The following ADAMTS18 variants were observed in gnomAD, a reference collection of about 807,000 sequenced individuals.
ADAMTS18 encodes ADAM metallopeptidase with thrombospondin type 1 motif 18.
A neutral mutation model predicts 165.9 loss-of-function variants in ADAMTS18; 157 were observed. The ratio of observed to expected loss-of-function variants is 0.95; its 90% confidence interval spans 0.83 to 1.08. The LOEUF (loss-of-function observed/expected upper bound fraction) is 1.08. ADAMTS18 is among the 50% of genes least tolerant of loss of function. The pLI is 0.00. For synonymous variants in ADAMTS18, 782 were observed against 578.2 expected (o/e 1.35, Z -5.06); for missense variants, 2,040 against 1,534.0 (o/e 1.33, Z -5.51).
At chr16:77,335,132 CT>C (rs1252539636) in intron 12 of ADAMTS18, among the ~76,000 whole-genome samples, 1 of 149,418 alleles carries the variant, frequency 6.7e-6, no homozygotes, top group Admixed American at 6.7e-5. Flanking sequence ...ACTATGAATC[CT>C]ATTTAATACT....
intron 3 of ADAMTS18, among the ~76,000 whole-genome samples, chr16:77,371,039 A>T (rs2056868974): frequency 6.6e-6 from 1 of 152,072 alleles, no homozygotes; most frequent in South Asian, 2.1e-4. Context: ...ACATAGTGAA[A>T]CCCTGTCTCT....
rs543448551 is a variant in ADAMTS18, at chr16:77,332,632, T to C, written c.1859+3124A>G. On this transcript the variant is annotated intron_variant, in intron 12 of 22. Coordinates refer to ENST00000282849, the MANE Select transcript of ADAMTS18 (RefSeq NM_199355.4). Reference sequence around the variant, plus strand: ...CGCCAAAATCTGGGCTCTGTCTACATCATTCTGCCAACTGGAAAATCTACA... The same window carrying C: ...CGCCAAAATCTGGGCTCTGTCTACACCATTCTGCCAACTGGAAAATCTACA... Among the ~76,000 whole-genome samples, 15 of 152,318 alleles carry C rather than the reference T, an allele frequency of 9.8e-5. No individual in the cohort carries two copies. In the South Asian group the frequency reaches 3.1e-3, roughly 32 times the overall value.
chr16:77,434,379 G>C (rs538247031), intron 2 of ADAMTS18, 39 bp downstream of exon 2: 1 of 1,544,688 alleles, frequency 6.5e-7, no homozygotes, highest in Non-Finnish European at 8.7e-7. Context: ...TCAAAGTGCT[G>C]CGAAAGGCCC....
At chr16:77,402,576 T>C (rs1425475424) in intron 3 of ADAMTS18, among the ~76,000 whole-genome samples, 4 of 152,162 alleles carry the variant, frequency 2.6e-5, no homozygotes, top group Admixed American at 1.3e-4. Flanking sequence ...CAAATTTAAG[T>C]CCCACATTTA....
intron 19 of ADAMTS18, among the ~76,000 whole-genome samples, chr16:77,294,621 G>T (rs540759941): frequency 2.8e-4 from 42 of 152,300 alleles, no homozygotes; most frequent in African/African-American, 1.0e-3. Context: ...TTGCTTTGGA[G>T]AATTCAGTAG....
In ADAMTS18 at chr16:77,335,866, G is replaced by A. The variant is rs945038394; in HGVS notation, c.1749C>T (p.Leu583=). 21 of 1,614,054 alleles carry A rather than the reference G, an allele frequency of 1.3e-5. No homozygotes were observed. The highest frequency in any genetic ancestry group is 1.6e-5 in the Non-Finnish European group (19 of 1,180,032). Reference sequence around the variant, plus strand: ...ACTGGCCGTGGATGGGCCGGGGCCCGAGCTCCCCAAACTTTACGCACTGGC... The same window carrying A: ...ACTGGCCGTGGATGGGCCGGGGCCCAAGCTCCCCAAACTTTACGCACTGGC... ...RQGQCVKFGE[L]GPRPIHGQWS... Residue 583 remains leucine, a synonymous_variant, in exon 12 of 23, where the codon CTC becomes CTT. Transcript: ENST00000282849.
At chr16:77,347,809 T>C (rs2056499636) in intron 10 of ADAMTS18, among the ~76,000 whole-genome samples, 1 of 152,190 alleles carries the variant, frequency 6.6e-6, no homozygotes, top group East Asian at 1.9e-4. Flanking sequence ...TATAGTATAA[T>C]GGTTAATAGA....
Position 77,300,275 on chromosome 16 carries a change from A to G in ADAMTS18, c.2662T>C (p.Ser888Pro). The G allele has an allele frequency of 6.2e-7, 1 of 1,614,108 alleles. No individual in the cohort carries two copies. The highest frequency in any genetic ancestry group is 8.5e-7 in the Non-Finnish European group (1 of 1,179,968). The change falls in exon 17 of 23, where the codon TCC becomes CCC. Residue 888 changes from serine to proline, a missense_variant. Coordinates refer to ENST00000282849, the MANE Select transcript of ADAMTS18 (RefSeq NM_199355.4). ...GAAAATCATCTACCTCCACCACAGG[A>G]GACGGAGCACTCTGACTGCACGATA... ...WSIVQSECSV[S>P]CGGGYINVKA... is the part of the protein sequence containing the mutation.
Position 77,320,945 on chromosome 16 carries a change from C to T in ADAMTS18, c.2287+134G>A, listed in dbSNP as rs183143558. 10 of 1,129,244 alleles carry T rather than the reference C, an allele frequency of 8.9e-6. No homozygotes were observed. The East Asian group carries it at 2.1e-4, about 24-fold the overall frequency. 70.0% of individuals were successfully genotyped at this position (1,129,244 alleles called of 1,614,324 possible). ...CACAACTATCTCCCTTACTCTTGCA[C>T]AAGTGAAAAATGCCACCATCACTAG... On this transcript the variant is annotated intron_variant, in intron 15 of 22. Transcript: ENST00000282849.
chr16:77,342,241 A>G (rs1345368041), intron 10 of ADAMTS18, among the ~76,000 whole-genome samples: 9 of 152,206 alleles, frequency 5.9e-5, no homozygotes, highest in Admixed American at 5.2e-4. Context: ...CCTGTACAAT[A>G]GCGATCAAAT....
chr16:77,290,553 A>AT (rs1450359676), intron 21 of ADAMTS18: 4 of 152,692 alleles, frequency 2.6e-5, no homozygotes, highest in Non-Finnish European at 5.8e-5. Flanking sequence ...CAGATAGATA[A>AT]CGTACGTACA....
At chr16:77,295,208 C>T in intron 18 of ADAMTS18, 81 bp from the exon 19 acceptor site, 2 of 1,436,678 alleles carry the variant, frequency 1.4e-6, no homozygotes, top group Non-Finnish European at 1.9e-6. Flanking sequence ...AAAGGTAAAC[C>T]ACCTATGGAA....
intron 3 of ADAMTS18, among the ~76,000 whole-genome samples, chr16:77,423,372 G>C (rs1195665932): frequency 6.6e-6 from 1 of 152,112 alleles, no homozygotes; most frequent in East Asian, 1.9e-4. Context: ...AGGAAGGTCT[G>C]CAATAATGAT....
chr16:77,292,657 C>G (rs1460874951), intron 20 of ADAMTS18, among the ~76,000 whole-genome samples: 4 of 152,306 alleles, frequency 2.6e-5, no homozygotes, highest in African/African-American at 9.6e-5. Flanking sequence ...CCCTACTGCC[C>G]AGACATAGGC....
intron 3 of ADAMTS18, among the ~76,000 whole-genome samples, chr16:77,379,608 C>G (rs1047052919): frequency 1.5e-4 from 23 of 152,206 alleles, no homozygotes; most frequent in African/African-American, 5.5e-4. Context: ...CCCACCTCAG[C>G]CTCCTGAGTA....
intron 8 of ADAMTS18, among the ~76,000 whole-genome samples, chr16:77,356,494 G>A (rs974032280): frequency 6.6e-6 from 1 of 152,290 alleles, no homozygotes; most frequent in Admixed American, 6.5e-5. Context: ...AGTACAGAGA[G>A]ATGATGATTA....
At chr16:77,406,531 G>A (rs1431737206) in intron 3 of ADAMTS18, among the ~76,000 whole-genome samples, 1 of 152,078 alleles carries the variant, frequency 6.6e-6, no homozygotes, top group Non-Finnish European at 1.5e-5. Flanking sequence ...AAGATTGGGG[G>A]AAGGGGAGGA....
At chr16:77,315,526 A>G (rs1268251882) in intron 16 of ADAMTS18, among the ~76,000 whole-genome samples, 1 of 152,220 alleles carries the variant, frequency 6.6e-6, no homozygotes, top group Non-Finnish European at 1.5e-5. Flanking sequence ...GCAAAAATAC[A>G]TGACAAGATG....
intron 3 of ADAMTS18, among the ~76,000 whole-genome samples, chr16:77,417,587 T>A (rs1325059398): frequency 1.3e-5 from 2 of 152,156 alleles, no homozygotes; most frequent in East Asian, 3.9e-4. Context: ...AGGTTCCACA[T>A]CTAACAATCC....
Sources: gnomAD v4.1 joint callset for allele counts (sites outside exome capture counted in the v4.1 genomes callset) on GRCh38, gnomAD v4.1.1 for gene constraint, MANE v1.5 for transcripts, NCBI Gene and HGNC (gene_info 2026-07-23, HGNC 2026-07-21) for gene names.